The following OR3A2 variants were observed in gnomAD, a reference collection of about 807,000 sequenced individuals.
The protein encoded by OR3A2 is olfactory receptor family 3 subfamily A member 2.
For missense variants in OR3A2, 318 were observed against 392.8 expected, an observed-to-expected ratio of 0.81 and a Z score of 1.61; for synonymous variants, 126 against 159.3, an observed-to-expected ratio of 0.79 and a Z score of 1.57.
chr17:3,369,722 G>A (rs1392872438), intron 2 of OR3A2, among the ~76,000 whole-genome samples: 1 of 150,896 alleles, frequency 6.6e-6, no homozygotes, highest in Non-Finnish European at 1.5e-5. Context: ...CCTGATTTTA[G>A]TATTAGGGTA....
intron 2 of OR3A2, among the ~76,000 whole-genome samples, chr17:3,375,169 TCTTTTTG>T (rs2049670489): frequency 1.0e-5 from 1 of 98,328 alleles, no homozygotes; most frequent in African/African-American, 5.6e-5. Context: ...TTTTTTTTTT[TCTTTTTG>T]AGACAGTCTC....
chr17:3,349,980 C>G (rs1407208094), intron 2 of OR3A2, among the ~76,000 whole-genome samples: 1 of 148,160 alleles, frequency 6.7e-6, no homozygotes, highest in Non-Finnish European at 1.5e-5. Context: ...TTCTTTGAAA[C>G]CAACGAGAAC....
At chr17:3,302,920 G>A (rs983157792) in intron 3 of OR3A2, among the ~76,000 whole-genome samples, 3 of 152,160 alleles carry the variant, frequency 2.0e-5, no homozygotes, top group Non-Finnish European at 4.4e-5. Flanking sequence ...TCACTAGGCT[G>A]CCCCTGTTCA....
chr17:3,292,043 G>C, intron 3 of OR3A2: 1 of 1,614,258 alleles, frequency 6.2e-7, no homozygotes, highest in African/African-American at 1.3e-5. Context: ...GGTCACAGTA[G>C]AAGTGATTGA....
At chr17:3,296,381 A>G (rs577950235) in intron 3 of OR3A2, among the ~76,000 whole-genome samples, 1 of 152,212 alleles carries the variant, frequency 6.6e-6, no homozygotes, top group Admixed American at 6.5e-5. Flanking sequence ...TATATCCACA[A>G]CAACGAAAGA....
At chr17:3,308,408 C>T (rs139224218) in intron 3 of OR3A2, among the ~76,000 whole-genome samples, 1 of 152,144 alleles carries the variant, frequency 6.6e-6, no homozygotes, top group Admixed American at 6.5e-5. Context: ...CATCTCAAGA[C>T]TCCTCACTGT....
At chr17:3,378,614 G>A (rs768616961) in intron 2 of OR3A2, among the ~76,000 whole-genome samples, 73 of 152,202 alleles carry the variant, frequency 4.8e-4, no homozygotes, top group Admixed American at 1.1e-3. Flanking sequence ...CAGCTCCACC[G>A]AGCACGCAGC....
At chr17:3,339,733 C>A (rs992013499) in intron 2 of OR3A2, among the ~76,000 whole-genome samples, 11 of 151,912 alleles carry the variant, frequency 7.2e-5, no homozygotes, top group Non-Finnish European at 2.9e-5. Flanking sequence ...GTCTAAAATT[C>A]TTTTTTTGTT....
intron 3 of OR3A2, among the ~76,000 whole-genome samples, chr17:3,334,473 A>T (rs2049263644): frequency 6.6e-6 from 1 of 152,114 alleles, no homozygotes; most frequent in Non-Finnish European, 1.5e-5. Flanking sequence ...AAATGACAGA[A>T]TTTCGTTCTT....
In OR3A2 at chr17:3,311,705, CT is replaced by C; in HGVS notation, c.-85+24327del. Reference sequence around the variant, plus strand: ...CGCTCAGCTGAGGGGAGGAAGAAGGCTTTCTCCACATGTGGCTCCCACCTCA... The same window carrying C: ...CGCTCAGCTGAGGGGAGGAAGAAGGCTTCTCCACATGTGGCTCCCACCTCA... On this transcript the variant is annotated intron_variant, in intron 3 of 4. Coordinates refer to the OR3A2 transcript ENST00000573491. This position sits in a 1 kb window ranked among gnomAD's most constrained non-coding sequence, Gnocchi z 4.6. The C allele has an allele frequency of 3.6e-6, 1 of 276,858 alleles. No individual in the cohort carries two copies. The highest frequency in any genetic ancestry group is 7.4e-6 in the Non-Finnish European group (1 of 134,994). 17.2% of individuals were successfully genotyped at this position (276,858 alleles called of 1,614,324 possible).
intron 3 of OR3A2, among the ~76,000 whole-genome samples, chr17:3,289,533 T>TA (rs1200886472): frequency 6.6e-6 from 1 of 152,230 alleles, no homozygotes; most frequent in Non-Finnish European, 1.5e-5. Context: ...TCTTTGGAGA[T>TA]AAACAGCAGG....
intron 3 of OR3A2, chr17:3,291,875 G>C: frequency 6.2e-7 from 1 of 1,614,224 alleles, no homozygotes; most frequent in East Asian, 2.2e-5. Context: ...CTTTCTTCCT[G>C]CCCTCTACAG....
rs534263737 is a variant in OR3A2 at position 3,324,707 on chromosome 17, G to A, written c.-85+11326C>T. ...GAACCGCAAATGCTGCTGCCTGATC[G>A]TTCCTTTGGAAGTTTTGTCTCAGAG... is the stretch of plus-strand genomic sequence containing the variant. On this transcript the variant is annotated intron_variant, in intron 3 of 4. Transcript: ENST00000573491. Among the ~76,000 whole-genome samples the A allele has an allele frequency of 8.5e-5, 13 of 152,098 alleles. No individual in the cohort carries two copies. The East Asian group carries it at 1.2e-3, about 14-fold the overall frequency.
At position 3,362,283 on chromosome 17, in the gene OR3A2, G is replaced by T. The variant is rs564198172; in HGVS notation, c.-179+21521C>A. Among the ~76,000 whole-genome samples the T allele has an allele frequency of 4.3e-3, 657 of 151,334 alleles. 24 individuals carry two copies. The highest frequency in any genetic ancestry group is 0.015 in the African/African-American group (632 of 40,872). On this transcript the variant is annotated intron_variant, in intron 2 of 4. Transcript: ENST00000573491. ...TGATATCCCCTTTAGCATTTTTTAT[G>T]GCATCTATTTGATTATTCTCTCTTT...
At chr17:3,339,958 T>C (rs923594146) in intron 2 of OR3A2, among the ~76,000 whole-genome samples, 9 of 152,222 alleles carry the variant, frequency 5.9e-5, no homozygotes, top group African/African-American at 1.9e-4. Context: ...GAGCCTGTTA[T>C]TGGTCTATTC....
At chr17:3,327,617 A>G (rs1461792486) in intron 3 of OR3A2, among the ~76,000 whole-genome samples, 1 of 117,050 alleles carries the variant, frequency 8.5e-6, no homozygotes, top group Non-Finnish European at 1.6e-5. Flanking sequence ...TGTTTTAGAC[A>G]TGAAGTCCTT....
rs551207190 is a variant in OR3A2 at position 3,330,041 on chromosome 17, C to A, written c.-85+5992G>T. Among the ~76,000 whole-genome samples, 27 of 147,190 alleles carry A rather than the reference C, an allele frequency of 1.8e-4. 1 individual carries two copies. The highest frequency in any genetic ancestry group is 6.9e-4 in the African/African-American group (26 of 37,558). Reference sequence around the variant, plus strand: ...GCGGTTTTGAGTGAGATTCTTAATCCTGAGTTCTAGCTTGATTGCACTGTT... The same window carrying A: ...GCGGTTTTGAGTGAGATTCTTAATCATGAGTTCTAGCTTGATTGCACTGTT... On this transcript the variant is annotated intron_variant, in intron 3 of 4. Coordinates refer to the OR3A2 transcript ENST00000573491.
intron 2 of OR3A2, among the ~76,000 whole-genome samples, chr17:3,361,954 T>C (rs951857447): frequency 6.6e-6 from 1 of 151,724 alleles, no homozygotes; most frequent in Non-Finnish European, 1.5e-5. Context: ...GTGGATTCCC[T>C]CTTTTTCTAT....
chr17:3,283,862 G>A (rs926862379), intron 1 of OR3A2, among the ~76,000 whole-genome samples: 6 of 147,974 alleles, frequency 4.1e-5, no homozygotes, highest in Admixed American at 1.4e-4. Flanking sequence ...CAGACAGCTA[G>A]AGATACAATT....
Sources: allele counts gnomAD v4.1 joint callset (sites outside exome capture counted in the v4.1 genomes callset), GRCh38; gene constraint gnomAD v4.1.1; non-coding constraint Gnocchi (gnomAD v3.1); transcripts MANE v1.5; gene names NCBI Gene and HGNC (gene_info 2026-07-23, HGNC 2026-07-21).